Variants in PEPD observed in about 807,000 individuals in gnomAD.
The protein encoded by PEPD is peptidase D, also known as xaa-Pro dipeptidase.
PEPD carries 53 observed loss-of-function variants against 60.7 expected under a neutral mutation model. That is an observed-to-expected ratio of 0.87 (90% CI 0.70 to 1.10). The LOEUF (loss-of-function observed/expected upper bound fraction) is 1.10. Among genes scored for constraint, PEPD ranks in the 50% least tolerant of loss-of-function variants. PEPD has a pLI of 0.00. For synonymous variants in PEPD, 267 were observed against 284.1 expected, an observed-to-expected ratio of 0.94 and a Z score of 0.60; for missense variants, 711 against 711.9, an observed-to-expected ratio of 1.00 and a Z score of 0.01.
At chr19:33,521,387 C>T (rs11672114) in intron 1 of PEPD, among the ~76,000 whole-genome samples, 10,715 of 152,318 alleles carry the variant, frequency 0.07, 504 homozygotes, top group Non-Finnish European at 0.11. Flanking sequence ...CCGCCTCCTC[C>T]GGGAAGCGCC....
intron 9 of PEPD, among the ~76,000 whole-genome samples, chr19:33,443,244 T>C (rs1221663733): frequency 6.6e-6 from 1 of 152,252 alleles, no homozygotes; most frequent in Non-Finnish European, 1.5e-5. Flanking sequence ...CATATGTCCC[T>C]GTGCTTCATT....
At chr19:33,467,203 T>C (rs1317366495) in intron 7 of PEPD, among the ~76,000 whole-genome samples, 1 of 151,566 alleles carries the variant, frequency 6.6e-6, no homozygotes, top group South Asian at 2.1e-4. Flanking sequence ...AAACAGTTTA[T>C]GTGCTCTTGA....
intron 4 of PEPD, among the ~76,000 whole-genome samples, chr19:33,500,485 G>A (rs1468093557): frequency 6.6e-6 from 1 of 152,214 alleles, no homozygotes; most frequent in Non-Finnish European, 1.5e-5. Context: ...ACTGAGAAGT[G>A]GATTGAAGTC....
intron 13 of PEPD, 66 bp from the exon 14 acceptor site, chr19:33,388,147 A>AGAT (rs1968124572): frequency 7.4e-7 from 1 of 1,357,912 alleles, no homozygotes; most frequent in South Asian, 1.2e-5. Context: ...TCATCAGGAG[A>AGAT]GATGGGCATG....
intron 3 of PEPD, among the ~76,000 whole-genome samples, chr19:33,503,380 T>C (rs1970746012): frequency 6.6e-6 from 1 of 152,246 alleles, no homozygotes; most frequent in Admixed American, 6.5e-5. Context: ...TAAATTTGCA[T>C]GATTCAGTCA....
rs571476718 is a variant in PEPD, at chr19:33,388,177, C to T, written c.1153-96G>A. 1.8e-3 allele frequency: 1,864 copies of T among 1,053,280 alleles called. 9 individuals are homozygous for T. The highest frequency in any genetic ancestry group is 6.0e-3 in the Middle Eastern group (30 of 5,036). The allele number at this position is 1,053,280 out of a possible 1,614,324, so 65.2% of individuals were successfully genotyped here. ...GGCATGTGAGGGCCGGTGCCAGTCT[C>T]GTGGGCTCTCTTGACCATTGGGGTC... On this transcript the variant is annotated intron_variant, in intron 13 of 14. Transcript: ENST00000244137.
chr19:33,517,032 T>G (rs994003362), intron 1 of PEPD, among the ~76,000 whole-genome samples: 2 of 151,718 alleles, frequency 1.3e-5, no homozygotes, highest in African/African-American at 4.8e-5. Context: ...AACACAAAAA[T>G]TAGTCAGGAA....
chr19:33,393,183 G>T (rs1027894340), intron 12 of PEPD, among the ~76,000 whole-genome samples: 54 of 151,028 alleles, frequency 3.6e-4, no homozygotes, highest in African/African-American at 1.3e-3. Flanking sequence ...GGTCTGGCGT[G>T]GGGGAGGCCG....
chr19:33,397,486 G>A (rs983439838), intron 12 of PEPD, among the ~76,000 whole-genome samples: 3 of 152,050 alleles, frequency 2.0e-5, no homozygotes, highest in South Asian at 2.1e-4. Flanking sequence ...TGCCCCATCC[G>A]GAGGGCAGCT....
In PEPD at chr19:33,413,663, T is replaced by C. The variant is rs772723584; in HGVS notation, c.672-20A>G. The C allele has an allele frequency of 6.5e-6, 10 of 1,537,378 alleles. No individual in the cohort carries two copies. In the South Asian group the frequency reaches 1.1e-4, roughly 16 times the overall value. ...AAGAGGCTGCAGGGGGAGAGACGCG[T>C]CAGGGTTGGGGCACTAGAGCAGGCA... On this transcript the variant is annotated intron_variant, in intron 9 of 14. Transcript: ENST00000244137.
At chr19:33,509,969 A>G (rs1970889482) in intron 3 of PEPD, among the ~76,000 whole-genome samples, 1 of 152,222 alleles carries the variant, frequency 6.6e-6, no homozygotes, top group Admixed American at 6.5e-5. Flanking sequence ...AGAGGAAGGC[A>G]GCAAATAACA....
At chr19:33,493,682 C>A (rs1368496509) in intron 4 of PEPD, among the ~76,000 whole-genome samples, 1 of 152,050 alleles carries the variant, frequency 6.6e-6, no homozygotes, top group Admixed American at 6.5e-5. Flanking sequence ...AAAGTCCCTG[C>A]TCAAAGACCC....
At chr19:33,453,308 T>C (rs1969730789) in intron 9 of PEPD, among the ~76,000 whole-genome samples, 2 of 78,016 alleles carry the variant, frequency 2.6e-5, no homozygotes, top group Non-Finnish European at 5.2e-5. Flanking sequence ...AGCAAAACAC[T>C]GTCATAAAAA....
chr19:33,389,288 C>CT (rs1171545550), intron 13 of PEPD, among the ~76,000 whole-genome samples: 1 of 152,200 alleles, frequency 6.6e-6, no homozygotes, highest in African/African-American at 2.4e-5. Flanking sequence ...CCCCACAACA[C>CT]TTGCCTCTGG....
In PEPD at chr19:33,511,022, C is replaced by G. The variant is rs767644218; in HGVS notation, c.329+6G>C. The stretch of plus-strand genomic sequence containing the variant: ...GCCATGGTGCCCTGGCCAGGCTGCT[C>G]CTTACTTTCCCATCCAGGTGGCATG... On this transcript the variant is annotated splice_donor_region_variant and intron_variant, in intron 3 of 14. Transcript: ENST00000244137. The G allele has an allele frequency of 6.2e-7, 1 of 1,611,428 alleles. No homozygotes were observed. Among genetic ancestry groups the G allele is most frequent in the Non-Finnish European group, 8.5e-7 (1 of 1,178,756 alleles).
chr19:33,486,346 G>A (rs996503043), intron 6 of PEPD, among the ~76,000 whole-genome samples: 12 of 146,928 alleles, frequency 8.2e-5, no homozygotes, highest in Non-Finnish European at 1.6e-4. Flanking sequence ...CCGCAGCAAA[G>A]CCTGCTCTTC....
chr19:33,474,072 A>G lies in PEPD; in HGVS notation c.548+3974T>C, dbSNP rs143817355. ...AAGCTGCTAGCAGAAGCTGGGGTGCATGTGGGTGCCAAGGAAGCCAAGCAT... is the reference window on the plus strand; with the variant it reads ...AAGCTGCTAGCAGAAGCTGGGGTGCGTGTGGGTGCCAAGGAAGCCAAGCAT... On this transcript the variant is annotated intron_variant, in intron 7 of 14. Coordinates refer to ENST00000244137, the MANE Select transcript of PEPD (RefSeq NM_000285.4). Among the ~76,000 whole-genome samples, 338 of 152,288 alleles carry G rather than the reference A, an allele frequency of 2.2e-3. 2 individuals are homozygous for G. The highest frequency in any genetic ancestry group is 7.8e-3 in the African/African-American group (326 of 41,560).
chr19:33,418,681 C>T (rs1395451595), intron 9 of PEPD, among the ~76,000 whole-genome samples: 1 of 152,154 alleles, frequency 6.6e-6, no homozygotes, highest in Non-Finnish European at 1.5e-5. Flanking sequence ...AGCACTGTTC[C>T]CCGTAGGTCT....
At chr19:33,408,395 C>T (rs764105106) in intron 11 of PEPD, among the ~76,000 whole-genome samples, 7 of 152,252 alleles carry the variant, frequency 4.6e-5, no homozygotes, top group Admixed American at 6.5e-5. Context: ...GTGGCCACTG[C>T]GAGAGAGGGA....
Sources: allele counts gnomAD v4.1 joint callset (sites outside exome capture counted in the v4.1 genomes callset), GRCh38; gene constraint gnomAD v4.1.1; transcripts MANE v1.5; gene names NCBI Gene and HGNC (gene_info 2026-07-23, HGNC 2026-07-21).